Variants in PTPRD observed in about 807,000 individuals in gnomAD.
The protein encoded by PTPRD is protein tyrosine phosphatase receptor type D, also known as receptor-type tyrosine-protein phosphatase delta.
In PTPRD, 34 loss-of-function variants were observed where a neutral mutation model predicts 214.5. The observed-to-expected ratio is 0.16, with a 90% CI of 0.12 to 0.21. The LOEUF (loss-of-function observed/expected upper bound fraction) is 0.21, where lower values mean the gene tolerates loss of function less well. Among genes scored for constraint, PTPRD ranks in the 10% least tolerant of loss-of-function variants. The pLI, the probability that PTPRD is intolerant of heterozygous loss-of-function variation, is 1.00. For missense variants in PTPRD, 2,545 were observed against 2,398.7 expected, an observed-to-expected ratio of 1.06 and a Z score of -1.27; for synonymous variants, 1,128 against 845.7, an observed-to-expected ratio of 1.33 and a Z score of -5.79.
intron 2 of PTPRD, among the ~76,000 whole-genome samples, chr9:10,424,771 A>G (rs556920743): frequency 6.6e-6 from 1 of 152,096 alleles, no homozygotes; most frequent in East Asian, 1.9e-4. Flanking sequence ...TCCCTTTAAA[A>G]ACTAAAACGA....
chr9:9,319,234 T>C (rs947928858), intron 9 of PTPRD, among the ~76,000 whole-genome samples: 2 of 152,180 alleles, frequency 1.3e-5, no homozygotes, highest in African/African-American at 4.8e-5. Context: ...CAGATTGCAA[T>C]TGTGCTTTTG....
chr9:9,236,613 T>C (rs1461062042), intron 9 of PTPRD, among the ~76,000 whole-genome samples: 2 of 149,996 alleles, frequency 1.3e-5, no homozygotes, highest in African/African-American at 4.9e-5. Context: ...GAATGAATTA[T>C]TTGTTTGAAT....
At chr9:10,443,392 T>G (rs1043669160) in intron 2 of PTPRD, among the ~76,000 whole-genome samples, 1 of 151,448 alleles carries the variant, frequency 6.6e-6, no homozygotes, top group Admixed American at 6.6e-5. Flanking sequence ...CAAGCCAGAG[T>G]CAATGTACTG....
At chr9:8,554,909 A>G (rs1029523410) in intron 14 of PTPRD, among the ~76,000 whole-genome samples, 2 of 152,070 alleles carry the variant, frequency 1.3e-5, no homozygotes, top group African/African-American at 4.8e-5. Context: ...ATCAGAGTCC[A>G]TCAAGTTGAA....
At chr9:10,296,359 A>AC (rs1396474787) in intron 3 of PTPRD, among the ~76,000 whole-genome samples, 4 of 151,666 alleles carry the variant, frequency 2.6e-5, no homozygotes, top group South Asian at 2.1e-4. Flanking sequence ...TCAGGAAAGG[A>AC]CCCCCCTCAC....
chr9:9,460,645 A>C (rs1292119250), intron 8 of PTPRD, among the ~76,000 whole-genome samples: 1 of 152,138 alleles, frequency 6.6e-6, no homozygotes, highest in East Asian at 1.9e-4. Flanking sequence ...TACCAAATAG[A>C]ATAACTATTA....
intron 4 of PTPRD, among the ~76,000 whole-genome samples, chr9:10,019,789 GA>G (rs145044733): frequency 0.16 from 23,528 of 147,724 alleles, 2,222 homozygotes; most frequent in South Asian, 0.27. Flanking sequence ...GGGTGGGGGG[GA>G]GCTGGGAGGG....
chr9:8,616,309 T>C (rs527469650), intron 14 of PTPRD, among the ~76,000 whole-genome samples: 2 of 152,260 alleles, frequency 1.3e-5, no homozygotes, highest in African/African-American at 2.4e-5. Context: ...TTTCAAGTTG[T>C]AACATGGCAG....
intron 11 of PTPRD, among the ~76,000 whole-genome samples, chr9:8,842,957 A>G (rs1260995106): frequency 6.6e-6 from 1 of 152,172 alleles, no homozygotes; most frequent in Non-Finnish European, 1.5e-5. Flanking sequence ...TGCTTTGGAC[A>G]GCCCAGTCTA....
chr9:10,331,226 A>G (rs562776388), intron 3 of PTPRD, among the ~76,000 whole-genome samples: 1 of 152,024 alleles, frequency 6.6e-6, no homozygotes, highest in African/African-American at 2.4e-5. Context: ...GGTTTGAAAG[A>G]GGAGTGCTAC....
chr9:8,596,138 T>C (rs2094462849), intron 14 of PTPRD, among the ~76,000 whole-genome samples: 1 of 152,110 alleles, frequency 6.6e-6, no homozygotes, highest in African/African-American at 2.4e-5. Flanking sequence ...CAGGGTAATG[T>C]GAGGTTCACC....
chr9:10,039,404 G>C (rs985727821), intron 3 of PTPRD, among the ~76,000 whole-genome samples: 4 of 151,952 alleles, frequency 2.6e-5, no homozygotes, highest in African/African-American at 9.7e-5. Context: ...ACCTATATGA[G>C]TTTTCTCGAC....
At chr9:8,376,497 G>T in intron 38 of PTPRD, 110 bp downstream of exon 38, 1 of 1,463,172 alleles carries the variant, frequency 6.8e-7, no homozygotes, top group Non-Finnish European at 9.4e-7. Flanking sequence ...CTTCACTGTT[G>T]CCATTGAGAT....
At chr9:10,479,416 G>A (rs1589103939) in intron 2 of PTPRD, among the ~76,000 whole-genome samples, 1 of 151,992 alleles carries the variant, frequency 6.6e-6, no homozygotes, top group Non-Finnish European at 1.5e-5. Context: ...TGGTGGGGAT[G>A]GGGATAAAGG....
Position 8,685,286 on chromosome 9 carries a change from G to C in PTPRD, c.65-48442C>G, listed in dbSNP as rs191789095. Among the ~76,000 whole-genome samples, 6 of 151,932 alleles carry C rather than the reference G, an allele frequency of 3.9e-5. No individual in the cohort carries two copies. In the East Asian group the frequency reaches 1.2e-3, roughly 29 times the overall value. On this transcript the variant is annotated intron_variant, in intron 12 of 45. Transcript: ENST00000381196. ...AAAAAAAAAAGGTACATTATATTTGGCGTGAGAGTAGAGACAAAGCAAGGC... is the reference window on the plus strand; with the variant it reads ...AAAAAAAAAAGGTACATTATATTTGCCGTGAGAGTAGAGACAAAGCAAGGC...
chr9:9,786,307 G>C (rs2098923306), intron 5 of PTPRD, among the ~76,000 whole-genome samples: 2 of 152,128 alleles, frequency 1.3e-5, no homozygotes, highest in African/African-American at 4.8e-5. Context: ...AAACTATTTT[G>C]AGAATTATTG....
At chr9:9,299,076 C>A (rs1954238400) in intron 9 of PTPRD, among the ~76,000 whole-genome samples, 1 of 151,616 alleles carries the variant, frequency 6.6e-6, no homozygotes, top group Admixed American at 6.6e-5. Context: ...TGACTATTGG[C>A]AGATGAAGAT....
chr9:8,850,104 A>C (rs1365096642), intron 11 of PTPRD, among the ~76,000 whole-genome samples: 1 of 152,188 alleles, frequency 6.6e-6, no homozygotes, highest in African/African-American at 2.4e-5. Context: ...GTATGAAGAA[A>C]AGAGAAATAG....
chr9:10,565,441 T>C (rs561068526), intron 2 of PTPRD, among the ~76,000 whole-genome samples: 1 of 152,126 alleles, frequency 6.6e-6, no homozygotes, highest in Non-Finnish European at 1.5e-5. Flanking sequence ...TTAAGAATGC[T>C]GAATTAGACA....
Sources: allele counts gnomAD v4.1 joint callset (sites outside exome capture counted in the v4.1 genomes callset), GRCh38; gene constraint gnomAD v4.1.1; transcripts MANE v1.5; gene names NCBI Gene and HGNC (gene_info 2026-07-23, HGNC 2026-07-21).